ERVMER34-1: variants seen among roughly 807,000 people sequenced by gnomAD.
ERVMER34-1 encodes endogenous retroviral envelope protein HEMO.
For synonymous variants in ERVMER34-1, 199 were observed against 111.7 expected (o/e 1.78, Z -4.93); for missense variants, 471 against 295.1 (o/e 1.60, Z -4.37).
intron 2 of ERVMER34-1, among the ~76,000 whole-genome samples, chr4:52,746,513 C>T (rs1380012668): frequency 3.9e-5 from 6 of 152,120 alleles, no homozygotes; most frequent in Admixed American, 6.5e-5. Flanking sequence ...TTTAATTCTG[C>T]GTAAAGTGAG....
rs1369517576 is a variant in ERVMER34-1 at position 52,743,842 on chromosome 4, G to C, written c.1679C>G (p.Thr560Arg). The change falls in exon 3 of 3, where the codon ACA (threonine) becomes AGA (arginine). Residue 560 changes from threonine (T) to arginine (R), a missense_variant. Transcript: ENST00000443173. The stretch of plus-strand genomic sequence containing the variant: ...GTTCAGATATTCTCAAAGTAGACTT[G>C]TGTCATATTGATGGGTTGTTAGTCC... ...MKGLTTHQYD[T>R]SLL 1 of 1,495,604 alleles carries C rather than the reference G, an allele frequency of 6.7e-7. No individual in the cohort carries two copies. Among genetic ancestry groups the C allele is most frequent in the Non-Finnish European group, 8.9e-7 (1 of 1,128,724 alleles). The allele number at this position is 1,495,604 out of a possible 1,614,324, so 92.6% of individuals were successfully genotyped here.
intron 2 of ERVMER34-1, chr4:52,748,238 A>G: frequency 4.9e-6 from 1 of 204,702 alleles, no homozygotes; most frequent in Non-Finnish European, 9.8e-6. Context: ...GAGGAGCTAG[A>G]CTCCTGTCTG....
chr4:52,744,359 T>C lies in ERVMER34-1; in HGVS notation c.1162A>G (p.Ile388Val). The change falls in exon 3 of 3, where the codon ATT (isoleucine) becomes GTT (valine). Residue 388 changes from isoleucine to valine, a missense_variant. By Grantham distance (29) the Ile-to-Val change is conservative. Coordinates refer to ENST00000443173, the MANE Select transcript of ERVMER34-1 (RefSeq NM_001242690.2). Reference protein sequence around the residue: ...SLGTYDLEKAILNISKAMEQE... With the variant: ...SLGTYDLEKAVLNISKAMEQE... ...TCCATTGCTTTGGAAATGTTTAGAA[T>C]TGCCTTTTCTAAATCATAAGTTCCC... 1 of 704,184 alleles carries C rather than the reference T, an allele frequency of 1.4e-6. No individual in the cohort carries two copies. Among genetic ancestry groups the C allele is most frequent in the Non-Finnish European group, 2.6e-6 (1 of 385,010 alleles). The allele number at this position is 704,184 out of a possible 1,614,324, so 43.6% of individuals were successfully genotyped here.
chr4:52,743,778 C>G lies in ERVMER34-1; in HGVS notation c.*51G>C. ...TCTCGGTAAGACCTGCTTTACTCATCAAAGTTTAGCTAAGGCTTTTTGTCT... is the reference window on the plus strand; with the variant it reads ...TCTCGGTAAGACCTGCTTTACTCATGAAAGTTTAGCTAAGGCTTTTTGTCT... On this transcript the variant is annotated 3_prime_UTR_variant, in exon 3 of 3. Transcript: ENST00000443173. The G allele has an allele frequency of 6.9e-7, 1 of 1,440,290 alleles. No homozygotes were observed. Among genetic ancestry groups the G allele is most frequent in the East Asian group, 2.5e-5 (1 of 40,214 alleles). 89.2% of individuals were successfully genotyped at this position (1,440,290 alleles called of 1,614,324 possible). A position where few individuals can be genotyped will look rare whatever the true frequency, so the allele number is the denominator to read the frequency against.
intron 2 of ERVMER34-1, among the ~76,000 whole-genome samples, chr4:52,749,434 C>A (rs564418501): frequency 6.6e-6 from 1 of 152,294 alleles, no homozygotes; most frequent in South Asian, 2.1e-4. Context: ...CTCCACATCA[C>A]ATGATTGCCT....
Position 52,745,781 on chromosome 4 carries a change from T to C in ERVMER34-1, c.-261A>G. 2.1e-6 allele frequency: 1 copy of C among 474,900 alleles called. No individual in the cohort carries two copies. Among genetic ancestry groups the C allele is most frequent in the Non-Finnish European group, 3.8e-6 (1 of 266,310 alleles). The allele number at this position is 474,900 out of a possible 1,614,324, so 29.4% of individuals were successfully genotyped here. A position where few individuals can be genotyped will look rare whatever the true frequency, so the allele number is the denominator to read the frequency against. On this transcript the variant is annotated 5_prime_UTR_variant, in exon 3 of 3. Transcript: ENST00000443173. ...ACCCATAGCCTTGGCCTTCCAGTTG[T>C]CATATAATGATCTCAATCTAGCTTC...
chr4:52,745,221 C>T lies in ERVMER34-1; in HGVS notation c.300G>A (p.Trp100Ter). The T allele has an allele frequency of 1.4e-6, 1 of 704,068 alleles. No homozygotes were observed. Among genetic ancestry groups the T allele is most frequent in the Admixed American group, 2.0e-5 (1 of 50,004 alleles). The allele number at this position is 704,068 out of a possible 1,614,324, so 43.6% of individuals were successfully genotyped here. Residue 100 changes from tryptophan (W) to a stop codon, truncating the protein, a stop_gained, in exon 3 of 3, where the codon TGG becomes TGA. Transcript: ENST00000443173. LOFTEE classifies it low-confidence loss of function (END_TRUNC). ...GAGCTTCCATGGAGGCTTCCCAGTGCCAAGTCACTTTACGATAGGAGGAAG... is the reference window on the plus strand; with the variant it reads ...GAGCTTCCATGGAGGCTTCCCAGTGTCAAGTCACTTTACGATAGGAGGAAG... ...HSTSSYRKVT[W>*]HWEASMEAQG...
At chr4:52,748,544 A>G (rs1199711691) in intron 2 of ERVMER34-1, among the ~76,000 whole-genome samples, 1 of 152,000 alleles carries the variant, frequency 6.6e-6, no homozygotes, top group African/African-American at 2.4e-5. Flanking sequence ...ACTCAAACTC[A>G]CCCGCAAAGG....
chr4:52,750,269 G>A (rs767399320), intron 2 of ERVMER34-1, among the ~76,000 whole-genome samples: 9 of 152,130 alleles, frequency 5.9e-5, no homozygotes, highest in Non-Finnish European at 1.3e-4. Flanking sequence ...AAAGTGATGG[G>A]ATCACCGGAG....
rs1211980228 is a variant in ERVMER34-1 at position 52,744,675 on chromosome 4, C to A, written c.846G>T (p.Trp282Cys). ...ACAAGGTCAGATTGGAACCTGTGAG[C>A]CACCAGGTGGGGGTCCGGTGTCCAT... Reference protein sequence around the residue: ...GHDGHRTPTWWLTGSNLTLSV... With the variant: ...GHDGHRTPTWCLTGSNLTLSV... Residue 282 changes from tryptophan (W) to cysteine (C), a missense_variant, in exon 3 of 3, where the codon TGG becomes TGT. Physicochemically the swap from Trp to Cys is radical, Grantham distance 215. Coordinates refer to ENST00000443173, the MANE Select transcript of ERVMER34-1 (RefSeq NM_001242690.2). 1.4e-6 allele frequency: 1 copy of A among 704,144 alleles called. No individual in the cohort carries two copies. Among genetic ancestry groups the A allele is most frequent in the Non-Finnish European group, 2.6e-6 (1 of 385,000 alleles). 43.6% of individuals were successfully genotyped at this position (704,144 alleles called of 1,614,324 possible). A position where few individuals can be genotyped will look rare whatever the true frequency, so the allele number is the denominator to read the frequency against.
intron 2 of ERVMER34-1, among the ~76,000 whole-genome samples, chr4:52,747,372 A>C (rs1455162333): frequency 6.6e-6 from 1 of 152,202 alleles, no homozygotes; most frequent in Non-Finnish European, 1.5e-5. Context: ...ATCCAGAGCC[A>C]TACCTCCTCT....
chr4:52,747,757 G>C (rs1480169141), intron 2 of ERVMER34-1, among the ~76,000 whole-genome samples: 1 of 152,244 alleles, frequency 6.6e-6, no homozygotes, highest in Admixed American at 6.5e-5. Flanking sequence ...CTGAGATGCA[G>C]CCGGGCACAG....
In ERVMER34-1 at chr4:52,743,730, G is replaced by A. The variant is rs1716069678; in HGVS notation, c.*99C>T. On this transcript the variant is annotated 3_prime_UTR_variant, in exon 3 of 3. Transcript: ENST00000443173. ...AGTGCCCTTATAAGAGGAACACTCA[G>A]AGGAGGGTTTTGGCAGCTGAATTCT... 9.1e-7 allele frequency: 1 copy of A among 1,104,152 alleles called. No individual in the cohort carries two copies. The highest frequency in any genetic ancestry group is 1.3e-6 in the Non-Finnish European group (1 of 798,794). The allele number at this position is 1,104,152 out of a possible 1,614,324, so 68.4% of individuals were successfully genotyped here. A position where few individuals can be genotyped will look rare whatever the true frequency, so the allele number is the denominator to read the frequency against.
chr4:52,747,090 A>C (rs1716172118), intron 2 of ERVMER34-1, among the ~76,000 whole-genome samples: 1 of 151,938 alleles, frequency 6.6e-6, no homozygotes, highest in Non-Finnish European at 1.5e-5. Context: ...TTAGCTGGGC[A>C]TGGTGGTGTG....
Position 52,743,130 on chromosome 4 carries a change from C to G in ERVMER34-1, c.*699G>C, listed in dbSNP as rs147251492. ...TTTGATATAATAGATGCCACCTCAA[C>G]ACTCCCTGCATCCTACTTCCACCTG... On this transcript the variant is annotated 3_prime_UTR_variant, in exon 3 of 3. Coordinates refer to ENST00000443173, the MANE Select transcript of ERVMER34-1 (RefSeq NM_001242690.2). 6.6e-6 allele frequency: 1 copy of G among 151,942 alleles called. No homozygotes were observed. The highest frequency in any genetic ancestry group is 1.5e-5 in the Non-Finnish European group (1 of 68,042). The allele number at this position is 151,942 out of a possible 1,614,324, so 9.4% of individuals were successfully genotyped here. A position where few individuals can be genotyped will look rare whatever the true frequency, so the allele number is the denominator to read the frequency against.
rs779595277 is a variant in ERVMER34-1, at chr4:52,745,549, G to A, written c.-29C>T. ...GGAGGAACAGGCTAGATTAAAACAA[G>A]CAAACTCCAGACAATGGAGATTCAA... On this transcript the variant is annotated 5_prime_UTR_variant, in exon 3 of 3. Transcript: ENST00000443173. The A allele has an allele frequency of 3.3e-5, 23 of 689,610 alleles. No homozygotes were observed. The highest frequency in any genetic ancestry group is 3.0e-4 in the South Asian group (20 of 65,970). 42.7% of individuals were successfully genotyped at this position (689,610 alleles called of 1,614,324 possible).
intron 2 of ERVMER34-1, among the ~76,000 whole-genome samples, chr4:52,746,315 G>A (rs1028091219): frequency 6.6e-5 from 10 of 152,002 alleles, no homozygotes; most frequent in Admixed American, 2.6e-4. Flanking sequence ...CCACCATACC[G>A]GTCAGTATTC....
rs3733503 is a variant in ERVMER34-1, at chr4:52,745,534, G to C, written c.-14C>G. 83,877 of 698,366 alleles carry C rather than the reference G, an allele frequency of 0.12. 5,257 individuals are homozygous for C. Among genetic ancestry groups the C allele is most frequent in the East Asian group, 0.17 (6,377 of 37,164 alleles). The allele number at this position is 698,366 out of a possible 1,614,324, so 43.3% of individuals were successfully genotyped here. ...AAGGGAGCCCATAGTGGAGGAACAG[G>C]CTAGATTAAAACAAGCAAACTCCAG... On this transcript the variant is annotated 5_prime_UTR_variant, in exon 3 of 3. Transcript: ENST00000443173.
chr4:52,747,767 G>A (rs192163800), intron 2 of ERVMER34-1, among the ~76,000 whole-genome samples: 1 of 152,384 alleles, frequency 6.6e-6, no homozygotes, highest in Admixed American at 6.5e-5. Context: ...GCCGGGCACA[G>A]TGGCTCATGC....
Sources: gnomAD v4.1 joint callset for allele counts (sites outside exome capture counted in the v4.1 genomes callset) on GRCh38, gnomAD v4.1.1 for gene constraint, MANE v1.5 for transcripts, NCBI Gene and HGNC (gene_info 2026-07-23, HGNC 2026-07-21) for gene names.